The following TCF12 variants were observed in gnomAD, a reference collection of about 807,000 sequenced individuals.
TCF12 encodes DNA-binding protein HTF4.
Under a neutral mutation model 86.0 loss-of-function variants are expected in TCF12, and 45 were observed. The ratio of observed to expected loss-of-function variants is 0.52; its 90% confidence interval spans 0.41 to 0.67. TCF12 has a LOEUF of 0.67. TCF12 is among the 30% of genes least tolerant of loss of function. The pLI is 0.00. For synonymous variants in TCF12, 330 were observed against 299.6 expected (o/e 1.10, Z -1.05); for missense variants, 881 against 859.9 (o/e 1.02, Z -0.31).
chr15:56,935,474 A>T (rs1356097669), intron 3 of TCF12, among the ~76,000 whole-genome samples: 1 of 151,664 alleles, frequency 6.6e-6, no homozygotes, highest in Non-Finnish European at 1.5e-5. Flanking sequence ...CTCTTTTTTT[A>T]AAAAAATTTT....
At chr15:57,035,774 A>G (rs1327905734) in intron 3 of TCF12, among the ~76,000 whole-genome samples, 4 of 152,168 alleles carry the variant, frequency 2.6e-5, no homozygotes, top group Non-Finnish European at 5.9e-5. Flanking sequence ...AAAGTGGATC[A>G]GGATCAGATT....
At chr15:57,130,843 T>C (rs561496946) in intron 5 of TCF12, among the ~76,000 whole-genome samples, 25 of 152,352 alleles carry the variant, frequency 1.6e-4, no homozygotes, top group Admixed American at 5.9e-4. Context: ...TTGCCTGAAT[T>C]ACTATGTATT....
At chr15:57,148,065 G>C (rs1187091911) in intron 5 of TCF12, among the ~76,000 whole-genome samples, 1 of 151,632 alleles carries the variant, frequency 6.6e-6, no homozygotes, top group Non-Finnish European at 1.5e-5. Flanking sequence ...ATTATTATTT[G>C]TAGAGACACG....
rs545804888 is a variant in TCF12 at position 56,974,886 on chromosome 15, C to T, written c.148+53788C>T. Among the ~76,000 whole-genome samples the T allele has an allele frequency of 3.3e-5, 5 of 151,996 alleles. No individual in the cohort carries two copies. The South Asian group carries it at 1.0e-3, about 32-fold the overall frequency. On this transcript the variant is annotated intron_variant, in intron 3 of 20. Transcript: ENST00000333725. ...GTTAAATTTGTGTGGTAAGGCATTA[C>T]CAAAAAATTCATTTAGAAGCTATCT...
intron 5 of TCF12, among the ~76,000 whole-genome samples, chr15:57,096,465 C>T (rs1200887402): frequency 3.3e-5 from 5 of 151,994 alleles, no homozygotes; most frequent in East Asian, 1.9e-4. Context: ...AATTGCTATA[C>T]AGTCATCCCT....
chr15:57,101,931 C>G (rs2049785643), intron 5 of TCF12, among the ~76,000 whole-genome samples: 1 of 152,136 alleles, frequency 6.6e-6, no homozygotes, highest in African/African-American at 2.4e-5. Context: ...ACACTTGTCC[C>G]TGGTATTAGG....
At chr15:57,233,922 T>G in intron 11 of TCF12, 121 bp from the exon 12 acceptor site, 5 of 746,724 alleles carry the variant, frequency 6.7e-6, no homozygotes, top group South Asian at 3.1e-5. Flanking sequence ...GTAGAGTATT[T>G]CCTAGTTTAC....
chr15:57,043,195 G>A (rs1422478286), intron 3 of TCF12, among the ~76,000 whole-genome samples: 1 of 151,962 alleles, frequency 6.6e-6, no homozygotes, highest in Non-Finnish European at 1.5e-5. Flanking sequence ...TAATCCATCG[G>A]TAGACATTTA....
chr15:57,193,318 A>G (rs1431394397), intron 7 of TCF12, among the ~76,000 whole-genome samples: 3 of 152,232 alleles, frequency 2.0e-5, no homozygotes, highest in Non-Finnish European at 2.9e-5. Flanking sequence ...CATATACTAC[A>G]TTCACTACAT....
intron 8 of TCF12, among the ~76,000 whole-genome samples, chr15:57,215,269 C>T (rs1275893840): frequency 6.6e-6 from 1 of 152,134 alleles, no homozygotes; most frequent in African/African-American, 2.4e-5. Context: ...ACTCACATGT[C>T]ATCTCTTTAC....
chr15:57,028,431 A>G (rs551507479), intron 3 of TCF12, among the ~76,000 whole-genome samples: 2 of 152,182 alleles, frequency 1.3e-5, no homozygotes, highest in African/African-American at 2.4e-5. Flanking sequence ...GTAGTATCTC[A>G]TTATGGTTTT....
intron 5 of TCF12, among the ~76,000 whole-genome samples, chr15:57,119,389 G>A (rs572068131): frequency 6.6e-6 from 1 of 151,038 alleles, no homozygotes; most frequent in Admixed American, 6.6e-5. Context: ...CTGATGTGAA[G>A]CAATCCTCTC....
In TCF12 at chr15:57,104,861, GTT is replaced by G. The variant is rs11336613; in HGVS notation, c.325+12993_325+12994del. ...ATCTATCTTGCTGGTCTTTGGTGGTGTTTTTTTTTTTTTTTTTTTTTTTTGTC... is the reference window on the plus strand; with the variant it reads ...ATCTATCTTGCTGGTCTTTGGTGGTGTTTTTTTTTTTTTTTTTTTTTTGTC... On this transcript the variant is annotated intron_variant, in intron 5 of 20. Transcript: ENST00000333725. Among the ~76,000 whole-genome samples, 513 of 71,344 alleles carry G rather than the reference GTT, an allele frequency of 7.2e-3. 1 individual carries two copies. Among genetic ancestry groups the G allele is most frequent in the African/African-American group, 0.027 (489 of 18,208 alleles). 46.8% of individuals were successfully genotyped at this position (71,344 alleles called of 152,430 possible).
intron 18 of TCF12, among the ~76,000 whole-genome samples, chr15:57,272,694 A>C (rs1222096797): frequency 6.6e-6 from 1 of 152,218 alleles, no homozygotes; most frequent in African/African-American, 2.4e-5. Flanking sequence ...GATGCTGCTG[A>C]TTTGTGGATC....
chr15:57,026,037 T>C (rs2065806028), intron 3 of TCF12, among the ~76,000 whole-genome samples: 1 of 152,240 alleles, frequency 6.6e-6, no homozygotes, highest in African/African-American at 2.4e-5. Flanking sequence ...TTTTAAATGC[T>C]GTCATGTAGA....
intron 13 of TCF12, among the ~76,000 whole-genome samples, chr15:57,250,053 T>A (rs185882330): frequency 2.4e-4 from 36 of 152,318 alleles, no homozygotes; most frequent in African/African-American, 8.4e-4. Flanking sequence ...CTTTATTTTT[T>A]AAATTAGATT....
intron 3 of TCF12, among the ~76,000 whole-genome samples, chr15:57,049,520 C>T (rs1320996457): frequency 6.6e-6 from 1 of 152,208 alleles, no homozygotes; most frequent in Admixed American, 6.5e-5. Flanking sequence ...GATTTATCCA[C>T]GTTGTTGTGT....
chr15:57,150,803 G>A (rs1221962534), intron 5 of TCF12, among the ~76,000 whole-genome samples: 3 of 151,920 alleles, frequency 2.0e-5, no homozygotes, highest in East Asian at 3.9e-4. Context: ...GATAATGAAT[G>A]CTATGAAAAA....
chr15:57,147,959 C>G (rs12900728), intron 5 of TCF12, among the ~76,000 whole-genome samples: 1 of 150,150 alleles, frequency 6.7e-6, no homozygotes, highest in South Asian at 2.1e-4. Context: ...TAGCTCATTT[C>G]AGCCTCCAAA....
Sources: allele counts gnomAD v4.1 joint callset (sites outside exome capture counted in the v4.1 genomes callset), GRCh38; gene constraint gnomAD v4.1.1; transcripts MANE v1.5; gene names NCBI Gene and HGNC (gene_info 2026-07-23, HGNC 2026-07-21).